Variants in FCER1A observed in about 807,000 individuals in gnomAD.
FCER1A encodes the protein high affinity immunoglobulin epsilon receptor subunit alpha.
In FCER1A, 24 loss-of-function variants were observed where a neutral mutation model predicts 23.6. The observed-to-expected ratio is 1.02, with a 90% CI of 0.74 to 1.43. The LOEUF (loss-of-function observed/expected upper bound fraction) is 1.43. FCER1A is among the 40% of genes most tolerant of loss of function. The probability of loss-of-function intolerance (pLI) is 0.00; values close to 1 mark genes in which losing one functional copy is unlikely to be tolerated. For missense variants in FCER1A, 318 were observed against 294.5 expected, an observed-to-expected ratio of 1.08 and a Z score of -0.58; for synonymous variants, 121 against 108.8, an observed-to-expected ratio of 1.11 and a Z score of -0.70.
At chr1:159,288,682 C>T (rs1571073642), upstream of FCER1A, among the ~76,000 whole-genome samples, 1 of 152,126 alleles carries the variant, frequency 6.6e-6, no homozygotes, top group East Asian at 1.9e-4. Flanking sequence ...TAATTTAATT[C>T]TCTCTGTGTT....
chr1:159,293,938 C>T (rs940207560), intron 1 of FCER1A, among the ~76,000 whole-genome samples: 64 of 151,824 alleles, frequency 4.2e-4, no homozygotes, highest in Admixed American at 7.9e-4. Context: ...CAAAAGAAGA[C>T]ATTTATGCAG....
upstream of FCER1A, among the ~76,000 whole-genome samples, chr1:159,298,603 T>C (rs1304081970): frequency 6.6e-6 from 1 of 152,192 alleles, no homozygotes; most frequent in African/African-American, 2.4e-5. Flanking sequence ...TGATGCTCTT[T>C]CTTGAGCAGA....
At chr1:159,303,545 A>T (rs1652500992) in intron 2 of FCER1A, among the ~76,000 whole-genome samples, 1 of 152,214 alleles carries the variant, frequency 6.6e-6, no homozygotes, top group Non-Finnish European at 1.5e-5. Context: ...CATTCACATA[A>T]TAAATATTTA....
chr1:159,303,859 T>G, intron 2 of FCER1A, 69 bp from the exon 3 acceptor site: 2 of 1,247,412 alleles, frequency 1.6e-6, no homozygotes, highest in South Asian at 1.4e-5. Context: ...TTTGTACTTT[T>G]AAGCCTAGAC....
Position 159,303,958 on chromosome 1 carries a change from CTCCATG to C in FCER1A, c.108_113del (p.Pro37_Trp38del). On this transcript the variant is annotated inframe_deletion, in exon 3 of 5. Transcript: ENST00000693622. ...CAGAAACCTAAGGTCTCCTTGAACCCTCCATGGAATAGAATATTTAAAGGAGAGAAT... is the reference window on the plus strand; with the variant it reads ...CAGAAACCTAAGGTCTCCTTGAACCCGAATAGAATATTTAAAGGAGAGAAT... 3 of 1,611,422 alleles carry C rather than the reference CTCCATG, an allele frequency of 1.9e-6. No homozygotes were observed. The highest frequency in any genetic ancestry group is 2.5e-6 in the Non-Finnish European group (3 of 1,177,618).
chr1:159,294,391 G>T (rs948853371), intron 1 of FCER1A, among the ~76,000 whole-genome samples: 1 of 151,998 alleles, frequency 6.6e-6, no homozygotes, highest in Non-Finnish European at 1.5e-5. Context: ...GAAAATTCTT[G>T]TTCCAGCCTT....
intron 4 of FCER1A, among the ~76,000 whole-genome samples, chr1:159,306,815 T>C (rs1652631091): frequency 6.6e-6 from 1 of 152,100 alleles, no homozygotes; most frequent in Non-Finnish European, 1.5e-5. Flanking sequence ...TCCAAACTCT[T>C]TATAAGAGAG....
upstream of FCER1A, among the ~76,000 whole-genome samples, chr1:159,284,945 G>T (rs532533505): frequency 1.3e-5 from 2 of 152,146 alleles, no homozygotes; most frequent in African/African-American, 4.8e-5. Context: ...AATATGGTTT[G>T]TTTGGATCAA....
In FCER1A at chr1:159,308,030, T is replaced by G; in HGVS notation, c.*98T>G. On this transcript the variant is annotated 3_prime_UTR_variant, in exon 5 of 5. Coordinates refer to ENST00000693622, the MANE Select transcript of FCER1A (RefSeq NM_001387280.1). ...ACAGCTTGCAATATACATAGAAACG[T>G]CTGTGCTCAAGGATTTATAGAAATG... 2.4e-6 allele frequency: 2 copies of G among 826,000 alleles called. No individual in the cohort carries two copies. The highest frequency in any genetic ancestry group is 2.7e-5 in the Admixed American group (1 of 36,986). The allele number at this position is 826,000 out of a possible 1,614,324, so 51.2% of individuals were successfully genotyped here.
At chr1:159,306,683 G>A (rs1353478087) in intron 4 of FCER1A, among the ~76,000 whole-genome samples, 2 of 152,154 alleles carry the variant, frequency 1.3e-5, no homozygotes, top group African/African-American at 2.4e-5. Flanking sequence ...AGGAGGGCTG[G>A]GAAAGGAAAC....
Position 159,307,758 on chromosome 1 carries a change from G to A in FCER1A, c.600G>A (p.Glu200=). ...TGTGTTCCACTACAGCTCCGCGTGA[G>A]AAGTACTGGCTACAATTTTTTATCC... The part of the protein sequence containing the change: ...LNITVIKAPR[E]KYWLQFFIPL... The change falls in exon 5 of 5, where the codon GAG becomes GAA. Residue 200 remains glutamate (E), a synonymous_variant. Transcript: ENST00000693622. The A allele has an allele frequency of 6.2e-7, 1 of 1,602,516 alleles. No individual in the cohort carries two copies. Among genetic ancestry groups the A allele is most frequent in the East Asian group, 2.2e-5 (1 of 44,676 alleles).
chr1:159,288,891 A>T (rs1469842723), upstream of FCER1A, among the ~76,000 whole-genome samples: 1 of 152,210 alleles, frequency 6.6e-6, no homozygotes, highest in African/African-American at 2.4e-5. Context: ...TTGCTTAGAT[A>T]TATAATTCTC....
chr1:159,307,865 T>G lies in FCER1A; in HGVS notation c.707T>G (p.Ile236Ser). 1 of 1,613,686 alleles carries G rather than the reference T, an allele frequency of 6.2e-7. No homozygotes were observed. Among genetic ancestry groups the G allele is most frequent in the Admixed American group, 1.7e-5 (1 of 60,008 alleles). Residue 236 changes from isoleucine to serine, a missense_variant, in exon 5 of 5, where the codon ATT becomes AGT. Physicochemically the swap from Ile to Ser is moderately radical, Grantham distance 142 (BLOSUM62 -2). Coordinates refer to ENST00000693622, the MANE Select transcript of FCER1A (RefSeq NM_001387280.1). Reference sequence around the variant, plus strand: ...CAGCAGGTCACATTTCTCTTGAAGATTAAGAGAACCAGGAAAGGCTTCAGA... The same window carrying G: ...CAGCAGGTCACATTTCTCTTGAAGAGTAAGAGAACCAGGAAAGGCTTCAGA... ...TQQQVTFLLK[I>S]KRTRKGFRLL...
chr1:159,306,099 A>T lies in FCER1A; in HGVS notation c.443A>T (p.Asp148Val). The T allele has an allele frequency of 6.2e-7, 1 of 1,614,154 alleles. No individual in the cohort carries two copies. Among genetic ancestry groups the T allele is most frequent in the Non-Finnish European group, 8.5e-7 (1 of 1,180,018 alleles). Residue 148 changes from aspartate (D) to valine (V), a missense_variant, in exon 4 of 5, where the codon GAT (aspartate) becomes GTT (valine). By Grantham distance (152) the Asp-to-Val change is radical. Transcript: ENST00000693622. ...GTGTACAAGGTGATCTATTATAAGGATGGTGAAGCTCTCAAGTACTGGTAT... is the reference window on the plus strand; with the variant it reads ...GTGTACAAGGTGATCTATTATAAGGTTGGTGAAGCTCTCAAGTACTGGTAT... ...WDVYKVIYYK[D>V]GEALKYWYEN...
At chr1:159,286,252 T>C (rs1652013201), upstream of FCER1A, among the ~76,000 whole-genome samples, 1 of 151,832 alleles carries the variant, frequency 6.6e-6, no homozygotes, top group South Asian at 2.1e-4. Context: ...AACTGATCAA[T>C]ATTTCAGGTG....
chr1:159,299,264 T>C (rs750604220), upstream of FCER1A, among the ~76,000 whole-genome samples: 3 of 152,180 alleles, frequency 2.0e-5, no homozygotes, highest in Non-Finnish European at 2.9e-5. Flanking sequence ...ATATTCAATT[T>C]TATATGGACC....
exon 1 of FCER1A, chr1:159,289,750 T>G (rs939887717): frequency 6.6e-6 from 1 of 152,086 alleles, no homozygotes; most frequent in African/African-American, 2.4e-5. Context: ...CCACCGAGCA[T>G]GGGGTAAGTT....
upstream of FCER1A, among the ~76,000 whole-genome samples, chr1:159,284,906 A>G (rs1278015483): frequency 6.6e-6 from 1 of 152,184 alleles, no homozygotes; most frequent in Non-Finnish European, 1.5e-5. Context: ...AATTGCCTTG[A>G]CTTTTATTAC....
chr1:159,303,582 C>G (rs16841997), intron 2 of FCER1A, among the ~76,000 whole-genome samples: 3 of 152,118 alleles, frequency 2.0e-5, no homozygotes, highest in Non-Finnish European at 2.9e-5. Context: ...ACATGGCAGA[C>G]AGTGTTTCTA....
Sources: gnomAD v4.1 joint callset for allele counts (sites outside exome capture counted in the v4.1 genomes callset) on GRCh38, gnomAD v4.1.1 for gene constraint, MANE v1.5 for transcripts, NCBI Gene and HGNC (gene_info 2026-07-23, HGNC 2026-07-21) for gene names.